The following ANGPT1 variants were observed in gnomAD, a reference collection of about 807,000 sequenced individuals.
ANGPT1 encodes angiopoietin 1.
In ANGPT1, 17 loss-of-function variants were observed where a neutral mutation model predicts 62.2. That is an observed-to-expected ratio of 0.27 (90% CI 0.19 to 0.41). The LOEUF (loss-of-function observed/expected upper bound fraction) is 0.41. Ranked by LOEUF, ANGPT1 falls within the 10% of genes least tolerant of loss-of-function variation. ANGPT1 has a pLI of 1.00. For synonymous variants in ANGPT1, 199 were observed against 198.9 expected (o/e 1.00, Z 0.00); for missense variants, 478 against 594.9 (o/e 0.80, Z 2.04).
chr8:107,267,979 C>T (rs1204067925), intron 7 of ANGPT1, among the ~76,000 whole-genome samples: 2 of 152,002 alleles, frequency 1.3e-5, no homozygotes, highest in African/African-American at 2.4e-5. Flanking sequence ...AGATTTGTTC[C>T]AAGTATAACC....
chr8:107,340,618 A>G (rs1815673551), intron 2 of ANGPT1, among the ~76,000 whole-genome samples: 1 of 151,680 alleles, frequency 6.6e-6, no homozygotes. Flanking sequence ...CAGTCACTGC[A>G]GCCTCTTGGG....
At chr8:107,321,575 TAA>T (rs1055138220) in intron 4 of ANGPT1, among the ~76,000 whole-genome samples, 1 of 152,146 alleles carries the variant, frequency 6.6e-6, no homozygotes, top group African/African-American at 2.4e-5. Context: ...TATATATAGT[TAA>T]GTGTCTAACA....
intron 1 of ANGPT1, among the ~76,000 whole-genome samples, chr8:107,438,775 T>C (rs1811398606): frequency 3.9e-5 from 6 of 152,152 alleles, no homozygotes. Flanking sequence ...AAAATAATTG[T>C]CTTATTTATT....
At chr8:107,377,053 A>G in intron 1 of ANGPT1, among the ~76,000 whole-genome samples, 1 of 152,144 alleles carries the variant, frequency 6.6e-6, no homozygotes, top group East Asian at 1.9e-4. Context: ...CATTTTTAGT[A>G]GGTAATGAAG....
intron 6 of ANGPT1, among the ~76,000 whole-genome samples, chr8:107,285,348 T>G (rs1410609992): frequency 6.6e-6 from 1 of 152,146 alleles, no homozygotes; most frequent in African/African-American, 2.4e-5. Context: ...TAATTGCAGT[T>G]TTTGCCATTA....
At chr8:107,476,664 G>A (rs1182954222) in intron 1 of ANGPT1, among the ~76,000 whole-genome samples, 7 of 152,036 alleles carry the variant, frequency 4.6e-5, no homozygotes. Context: ...AAATGAGAAT[G>A]GAATCAATCT....
intron 4 of ANGPT1, among the ~76,000 whole-genome samples, chr8:107,309,933 C>T (rs1391173265): frequency 6.6e-6 from 1 of 152,008 alleles, no homozygotes; most frequent in Non-Finnish European, 1.5e-5. Context: ...TAAAAGTGTA[C>T]TTTTTTATTT....
chr8:107,467,242 CACATG>C lies in ANGPT1; in HGVS notation c.297+30015_297+30019del, dbSNP rs570914905. Among the ~76,000 whole-genome samples, 190 of 151,956 alleles carry C rather than the reference CACATG, an allele frequency of 1.3e-3. 2 individuals carry two copies. Among genetic ancestry groups the C allele is most frequent in the African/African-American group, 4.4e-3 (183 of 41,476 alleles). Reference sequence around the variant, plus strand: ...ATATTAAATCCCTCTATCAAAAGATCACATGACCTCATAAATAGTTGTACATAGTG... The same window carrying C: ...ATATTAAATCCCTCTATCAAAAGATCACCTCATAAATAGTTGTACATAGTG... On this transcript the variant is annotated intron_variant, in intron 1 of 8. Coordinates refer to ENST00000517746, the MANE Select transcript of ANGPT1 (RefSeq NM_001146.5).
intron 1 of ANGPT1, among the ~76,000 whole-genome samples, chr8:107,493,796 T>C (rs1402598176): frequency 1.3e-5 from 2 of 150,394 alleles, no homozygotes; most frequent in African/African-American, 4.9e-5. Context: ...CTAATGGATA[T>C]TAATAGGGAT....
chr8:107,425,947 C>T (rs1811030674), intron 1 of ANGPT1, among the ~76,000 whole-genome samples: 1 of 152,038 alleles, frequency 6.6e-6, no homozygotes, highest in African/African-American at 2.4e-5. Context: ...TTTGTGGGGC[C>T]CCAGGCTTAT....
intron 1 of ANGPT1, among the ~76,000 whole-genome samples, chr8:107,461,280 A>T (rs1812064735): frequency 6.6e-6 from 1 of 152,130 alleles, no homozygotes; most frequent in African/African-American, 2.4e-5. Flanking sequence ...TTACACTAGG[A>T]CCAACATAAG....
intron 1 of ANGPT1, among the ~76,000 whole-genome samples, chr8:107,442,351 G>A (rs1195843241): frequency 6.6e-6 from 1 of 151,776 alleles, no homozygotes; most frequent in Admixed American, 6.6e-5. Flanking sequence ...ACTAGTGTAG[G>A]TCATGTTGCA....
At chr8:107,323,321 G>A (rs1470471886) in intron 3 of ANGPT1, among the ~76,000 whole-genome samples, 3 of 152,166 alleles carry the variant, frequency 2.0e-5, no homozygotes, top group South Asian at 2.1e-4. Context: ...GGTTCAACCC[G>A]TCCTTAGTTT....
chr8:107,331,788 C>T (rs1021653569), intron 3 of ANGPT1, among the ~76,000 whole-genome samples: 2 of 152,162 alleles, frequency 1.3e-5, no homozygotes, highest in African/African-American at 2.4e-5. Flanking sequence ...TCACATGTCT[C>T]GTTTCAGTTC....
At chr8:107,270,502 G>T (rs1472856144) in intron 7 of ANGPT1, among the ~76,000 whole-genome samples, 1 of 151,986 alleles carries the variant, frequency 6.6e-6, no homozygotes, top group African/African-American at 2.4e-5. Flanking sequence ...TCCTGATGTG[G>T]CTATGATTTC....
At chr8:107,362,127 C>T (rs1298073218) in intron 1 of ANGPT1, among the ~76,000 whole-genome samples, 1 of 152,170 alleles carries the variant, frequency 6.6e-6, no homozygotes, top group Non-Finnish European at 1.5e-5. Flanking sequence ...ATGTATTATA[C>T]ATTTTCACAT....
At chr8:107,300,847 T>C (rs1406154992) in intron 5 of ANGPT1, among the ~76,000 whole-genome samples, 1 of 152,014 alleles carries the variant, frequency 6.6e-6, no homozygotes, top group Non-Finnish European at 1.5e-5. Context: ...TAAGCTTGAA[T>C]CTTGCTTTCC....
At chr8:107,401,116 G>C (rs1817038930) in intron 1 of ANGPT1, among the ~76,000 whole-genome samples, 1 of 152,082 alleles carries the variant, frequency 6.6e-6, no homozygotes, top group South Asian at 2.1e-4. Flanking sequence ...AGCGTTTTGA[G>C]TCCATAGACT....
rs766548482 is a variant in ANGPT1 at position 107,251,818 on chromosome 8, C to G, written c.*37G>C. 6.2e-7 allele frequency: 1 copy of G among 1,610,350 alleles called. No homozygotes were observed. The highest frequency in any genetic ancestry group is 8.5e-7 in the Non-Finnish European group (1 of 1,177,800). ...CTCACCTGGCAGCTTCTCCGGATTT[C>G]TTTGTTGCTTTCATAATCGCTTCTG... is the stretch of plus-strand genomic sequence containing the variant. On this transcript the variant is annotated 3_prime_UTR_variant, in exon 9 of 9. Coordinates refer to ENST00000517746, the MANE Select transcript of ANGPT1 (RefSeq NM_001146.5).
Sources: allele counts gnomAD v4.1 joint callset (sites outside exome capture counted in the v4.1 genomes callset), GRCh38; gene constraint gnomAD v4.1.1; transcripts MANE v1.5; gene names NCBI Gene and HGNC (gene_info 2026-07-23, HGNC 2026-07-21).